Variants in SCN4B observed in about 807,000 individuals in gnomAD.
SCN4B encodes the protein sodium voltage-gated channel beta subunit 4.
SCN4B carries 20 observed loss-of-function variants against 19.6 expected under a neutral mutation model. The observed-to-expected ratio is 1.02, with a 90% CI of 0.72 to 1.48. The LOEUF (loss-of-function observed/expected upper bound fraction) is 1.48, where lower values mean the gene tolerates loss of function less well. SCN4B is among the 40% of genes most tolerant of loss of function. SCN4B has a pLI of 0.00. For missense variants in SCN4B, 271 were observed against 287.5 expected, an observed-to-expected ratio of 0.94 and a Z score of 0.42; for synonymous variants, 127 against 122.8, an observed-to-expected ratio of 1.03 and a Z score of -0.22.
At chr11:118,145,484 G>C in intron 1 of SCN4B, 2 of 1,404,542 alleles carry the variant, frequency 1.4e-6, no homozygotes, top group Non-Finnish European at 1.9e-6. Context: ...GACCACCAGG[G>C]GTCACCCCAA....
chr11:118,137,068 G>C lies in SCN4B; in HGVS notation c.646C>G (p.Pro216Ala). 6.2e-7 allele frequency: 1 copy of C among 1,614,122 alleles called. No homozygotes were observed. The highest frequency in any genetic ancestry group is 1.1e-5 in the South Asian group (1 of 91,088). The change falls in exon 5 of 5, where the codon CCT becomes GCT. Residue 216 changes from proline (P) to alanine (A), a missense_variant. By Grantham distance (27) the Pro-to-Ala change is conservative. Transcript: ENST00000324727. Reference protein sequence around the residue: ...SGNDNTENGLPGSKAEEKPPS... With the variant: ...SGNDNTENGLAGSKAEEKPPS... ...GGTTTCTCCTCTGCCTTGGAGCCAG[G>C]CAAGCCGTTCTCCGTGTTGTCATTC... is the stretch of plus-strand genomic sequence containing the variant.
chr11:118,143,964 ATCT>A lies in SCN4B; in HGVS notation c.329_331del (p.Lys110del). ...CCTCAGCACAATGGAAATGTTGTTC[ATCT>A]TCTCCTTAGTAGAGCCTACCAGAGT... On this transcript the variant is annotated inframe_deletion, in exon 3 of 5. Transcript: ENST00000324727. 1 of 1,614,126 alleles carries A rather than the reference ATCT, an allele frequency of 6.2e-7. No individual in the cohort carries two copies. Among genetic ancestry groups the A allele is most frequent in the South Asian group, 1.1e-5 (1 of 91,082 alleles).
chr11:118,152,263 G>C (rs1384871100), intron 1 of SCN4B, among the ~76,000 whole-genome samples: 1 of 152,170 alleles, frequency 6.6e-6, no homozygotes, highest in Non-Finnish European at 1.5e-5. Flanking sequence ...GGTATCCCCT[G>C]CACTCAAGGC....
chr11:118,137,778 A>C (rs1948038273), intron 4 of SCN4B, among the ~76,000 whole-genome samples: 5 of 152,218 alleles, frequency 3.3e-5, no homozygotes, highest in Admixed American at 6.5e-5. Context: ...GTCAGTTCCC[A>C]GGCTGTGCCA....
chr11:118,133,650 C>G lies in SCN4B; in HGVS notation c.*3377G>C, dbSNP rs1278308762. 1 of 454,540 alleles carries G rather than the reference C, an allele frequency of 2.2e-6. No homozygotes were observed. The allele number at this position is 454,540 out of a possible 1,614,324, so 28.2% of individuals were successfully genotyped here. ...AGGAATAAACCATGCATAAGATAGT[C>G]AAAAGCACTGCATATCAGGTGGGAG... is the stretch of plus-strand genomic sequence containing the variant. On this transcript the variant is annotated 3_prime_UTR_variant, in exon 5 of 5. Transcript: ENST00000324727.
At chr11:118,141,536 C>T in intron 3 of SCN4B, 200 bp from the exon 4 acceptor site, 1 of 634,212 alleles carries the variant, frequency 1.6e-6, no homozygotes, top group Non-Finnish European at 2.8e-6. Flanking sequence ...CAGGCTAGGG[C>T]ACACATAAGG....
At chr11:118,137,227 C>A in intron 4 of SCN4B, 107 bp from the exon 5 acceptor site, 1 of 804,832 alleles carries the variant, frequency 1.2e-6, no homozygotes, top group Non-Finnish European at 2.2e-6. Context: ...CTCTCCCTGG[C>A]CTTCTACAGA....
rs1363252578 is a variant in SCN4B at position 118,135,552 on chromosome 11, T to C, written c.*1475A>G. 1 of 453,974 alleles carries C rather than the reference T, an allele frequency of 2.2e-6. No homozygotes were observed. The highest frequency in any genetic ancestry group is 2.3e-5 in the Admixed American group (1 of 42,562). 28.1% of individuals were successfully genotyped at this position (453,974 alleles called of 1,614,324 possible). ...TTCTGCCCAACAAGGACTCAGGAGA[T>C]CCCACTCCCAACATCACCACCTCCC... On this transcript the variant is annotated 3_prime_UTR_variant, in exon 5 of 5. Transcript: ENST00000324727.
chr11:118,133,943 T>C lies in SCN4B; in HGVS notation c.*3084A>G, dbSNP rs1347430984. On this transcript the variant is annotated 3_prime_UTR_variant, in exon 5 of 5. Transcript: ENST00000324727. ...TCAAATGTCCAGCATCTGCCCATCA[T>C]GCATCACCCCTTACATGCAGAGCCC... The C allele has an allele frequency of 4.4e-6, 2 of 454,600 alleles. No individual in the cohort carries two copies. Among genetic ancestry groups the C allele is most frequent in the African/African-American group, 2.0e-5 (1 of 50,122 alleles). 28.2% of individuals were successfully genotyped at this position (454,600 alleles called of 1,614,324 possible).
rs755861941 is a variant in SCN4B at position 118,152,641 on chromosome 11, C to G, written c.33G>C (p.Pro11=). The G allele has an allele frequency of 2.5e-6, 4 of 1,612,024 alleles. No homozygotes were observed. In the African/African-American group the frequency reaches 5.3e-5, roughly 22 times the overall value. Residue 11 remains proline (P), a synonymous_variant, in exon 1 of 5, where the codon CCG becomes CCC. Transcript: ENST00000324727. ...AAAGCCCAGTGCCCAGCCATCTCGC[C>G]GGGGCTTTGCCTCCGTCCCCAGCCC... MPGAGDGGKA[P]ARWLGTGLLG...
Position 118,133,554 on chromosome 11 carries a change from C to T in SCN4B, c.*3473G>A, listed in dbSNP as rs1377176212. The T allele has an allele frequency of 6.6e-6, 3 of 454,324 alleles. No homozygotes were observed. Among genetic ancestry groups the T allele is most frequent in the African/African-American group, 2.0e-5 (1 of 50,002 alleles). The allele number at this position is 454,324 out of a possible 1,614,324, so 28.1% of individuals were successfully genotyped here. On this transcript the variant is annotated 3_prime_UTR_variant, in exon 5 of 5. Transcript: ENST00000324727. ...TCGCACACCTGAGGCCTCCCAAGGC[C>T]TGTTGTTGCATCATTTGATCTATAG...
chr11:118,138,297 C>T (rs1336374269), intron 4 of SCN4B, among the ~76,000 whole-genome samples: 1 of 152,190 alleles, frequency 6.6e-6, no homozygotes, highest in Non-Finnish European at 1.5e-5. Context: ...TTTCATCTTG[C>T]AATACCTAGT....
At chr11:118,146,263 C>G (rs1404295135) in intron 1 of SCN4B, among the ~76,000 whole-genome samples, 3 of 152,176 alleles carry the variant, frequency 2.0e-5, no homozygotes, top group Non-Finnish European at 2.9e-5. Flanking sequence ...TCCAAACTCC[C>G]GCTCCGGAGT....
chr11:118,138,057 G>A (rs888289321), intron 4 of SCN4B, among the ~76,000 whole-genome samples: 3 of 152,232 alleles, frequency 2.0e-5, no homozygotes, highest in Non-Finnish European at 4.4e-5. Context: ...CACCCTGACC[G>A]CTCTGAGCTG....
chr11:118,140,882 T>G (rs192281911), intron 4 of SCN4B, among the ~76,000 whole-genome samples: 1 of 152,150 alleles, frequency 6.6e-6, no homozygotes, highest in Non-Finnish European at 1.5e-5. Context: ...TTAAGTCCTT[T>G]GGTAAGGCTC....
At position 118,141,262 on chromosome 11, in the gene SCN4B, T is replaced by G. The variant is rs894417224; in HGVS notation, c.538A>C (p.Ile180Leu). 11 of 1,612,740 alleles carry G rather than the reference T, an allele frequency of 6.8e-6. No individual in the cohort carries two copies. The highest frequency in any genetic ancestry group is 8.5e-6 in the Non-Finnish European group (10 of 1,179,958). ...ATGATGAGTTTCTTGATCAGCAGGA[T>G]GAGGATGAGGAGCCCGATGACCCCG... The part of the protein sequence containing the change: ...VGGVIGLLIL[I>L]LLIKKLIIFI... Residue 180 changes from isoleucine (I) to leucine (L), a missense_variant, in exon 4 of 5, where the codon ATC becomes CTC. Physicochemically the swap from Ile to Leu is conservative, Grantham distance 5 (BLOSUM62 2). Transcript: ENST00000324727.
At chr11:118,144,191 C>T (rs377115833) in intron 2 of SCN4B, 130 bp from the exon 3 acceptor site, 64 of 676,812 alleles carry the variant, frequency 9.5e-5, no homozygotes, top group Middle Eastern at 7.1e-4. Context: ...CCTGTAGTCA[C>T]GCCCTGCTCC....
At chr11:118,140,176 C>A (rs1262434158) in intron 4 of SCN4B, among the ~76,000 whole-genome samples, 1 of 152,196 alleles carries the variant, frequency 6.6e-6, no homozygotes, top group Non-Finnish European at 1.5e-5. Context: ...CCTAATTAAG[C>A]TCCACGCTTT....
At position 118,136,081 on chromosome 11, in the gene SCN4B, T is replaced by G. The variant is rs1337909358; in HGVS notation, c.*946A>C. On this transcript the variant is annotated 3_prime_UTR_variant, in exon 5 of 5. Transcript: ENST00000324727. ...CAATGGGAGGTTGGAGGGTGCAGCC[T>G]CTCAGGTAGGAGGGGGAGAAGCAGG... is the stretch of plus-strand genomic sequence containing the variant. 7.6e-6 allele frequency: 3 copies of G among 392,896 alleles called. No individual in the cohort carries two copies. The highest frequency in any genetic ancestry group is 1.5e-5 in the Non-Finnish European group (3 of 197,522). The allele number at this position is 392,896 out of a possible 1,614,324, so 24.3% of individuals were successfully genotyped here. A position where few individuals can be genotyped will look rare whatever the true frequency, so the allele number is the denominator to read the frequency against.
Sources: allele counts gnomAD v4.1 joint callset (sites outside exome capture counted in the v4.1 genomes callset), GRCh38; gene constraint gnomAD v4.1.1; transcripts MANE v1.5; gene names NCBI Gene and HGNC (gene_info 2026-07-23, HGNC 2026-07-21).